The following DCLK2 variants were observed in gnomAD, a reference collection of about 807,000 sequenced individuals.
DCLK2 encodes the protein doublecortin like kinase 2.
A neutral mutation model predicts 78.4 loss-of-function variants in DCLK2; 31 were observed. That is an observed-to-expected ratio of 0.40 (90% CI 0.30 to 0.53). The LOEUF is 0.53. DCLK2 is among the 20% of genes least tolerant of loss of function. The probability of loss-of-function intolerance (pLI) is 0.61; values close to 1 mark genes in which losing one functional copy is unlikely to be tolerated. For missense variants in DCLK2, 872 were observed against 973.7 expected (o/e 0.90, Z 1.39); for synonymous variants, 407 against 374.9 (o/e 1.09, Z -0.99).
chr4:150,195,302 ATAT>A lies in DCLK2; in HGVS notation c.859+2066_859+2068del, dbSNP rs569476787. Among the ~76,000 whole-genome samples the A allele has an allele frequency of 1.1e-3, 6 of 5,606 alleles. 3 individuals carry two copies. Among genetic ancestry groups the A allele is most frequent in the Non-Finnish European group, 3.4e-3 (6 of 1,740 alleles). 3.7% of individuals were successfully genotyped at this position (5,606 alleles called of 152,430 possible). ...TATTATATATTATATTATATATTAT[ATAT>A]TATATTATATATTATATTATATATT... On this transcript the variant is annotated intron_variant, in intron 3 of 15. Transcript: ENST00000296550.
chr4:150,200,650 C>T lies in DCLK2; in HGVS notation c.961+2547C>T, dbSNP rs141455869. 3.9e-3 allele frequency among the ~76,000 whole-genome samples: 598 copies of T among 152,294 alleles called. 2 individuals are homozygous for T. Among genetic ancestry groups the T allele is most frequent in the Non-Finnish European group, 6.9e-3 (469 of 68,032 alleles). Reference sequence around the variant, plus strand: ...AAAAATTCCATGGGACTAATTGGAACTCAAACTGAGCTGGTAACTTTATGA... The same window carrying T: ...AAAAATTCCATGGGACTAATTGGAATTCAAACTGAGCTGGTAACTTTATGA... On this transcript the variant is annotated intron_variant, in intron 4 of 15. Coordinates refer to ENST00000296550, the MANE Select transcript of DCLK2 (RefSeq NM_001040260.4).
At chr4:150,136,729 A>G (rs1470665061) in intron 2 of DCLK2, among the ~76,000 whole-genome samples, 2 of 152,190 alleles carry the variant, frequency 1.3e-5, no homozygotes, top group African/African-American at 2.4e-5. Context: ...GGCAGACACT[A>G]AGCTTCAAAC....
At chr4:150,244,762 C>T (rs1474853275) in intron 12 of DCLK2, among the ~76,000 whole-genome samples, 1 of 152,182 alleles carries the variant, frequency 6.6e-6, no homozygotes, top group Non-Finnish European at 1.5e-5. Flanking sequence ...CCCCAACTGT[C>T]AAAGCTCTTG....
chr4:150,200,642 A>G (rs963413628), intron 4 of DCLK2, among the ~76,000 whole-genome samples: 1 of 152,180 alleles, frequency 6.6e-6, no homozygotes, highest in Non-Finnish European at 1.5e-5. Flanking sequence ...CCATGGGACT[A>G]ATTGGAACTC....
chr4:150,198,109 T>C lies in DCLK2; in HGVS notation c.961+6T>C. 6.2e-7 allele frequency: 1 copy of C among 1,610,736 alleles called. No homozygotes were observed. Among genetic ancestry groups the C allele is most frequent in the East Asian group, 2.2e-5 (1 of 44,828 alleles). ...CAGCAAATCACCAGCTTCAGGTAGTTAATGGAAAAGGAATAGATGGTCATA... is the reference window on the plus strand; with the variant it reads ...CAGCAAATCACCAGCTTCAGGTAGTCAATGGAAAAGGAATAGATGGTCATA... On this transcript the variant is annotated splice_donor_region_variant and intron_variant, in intron 4 of 15. Transcript: ENST00000296550.
intron 2 of DCLK2, among the ~76,000 whole-genome samples, chr4:150,166,727 A>T (rs531247167): frequency 4.5e-4 from 67 of 149,782 alleles, no homozygotes; most frequent in Non-Finnish European, 9.4e-4. Flanking sequence ...AAGGCACTCC[A>T]AGCAGTGATT....
intron 2 of DCLK2, among the ~76,000 whole-genome samples, chr4:150,183,598 CATAAAT>C (rs1367836112): frequency 6.6e-6 from 1 of 152,104 alleles, no homozygotes; most frequent in Non-Finnish European, 1.5e-5. Flanking sequence ...AAACTAACAT[CATAAAT>C]TTGGGAACCA....
intron 10 of DCLK2, among the ~76,000 whole-genome samples, chr4:150,239,033 T>C (rs1373915983): frequency 1.3e-5 from 2 of 152,180 alleles, no homozygotes; most frequent in Non-Finnish European, 2.9e-5. Flanking sequence ...ACACCATTTC[T>C]TGGGCTCTCA....
chr4:150,079,250 C>T lies in DCLK2; in HGVS notation c.223C>T (p.Arg75Cys). The change falls in exon 1 of 16, where the codon CGC becomes TGC. Residue 75 changes from arginine to cysteine, a missense_variant. Physicochemically the swap from Arg to Cys is radical, Grantham distance 180 (BLOSUM62 -3). Coordinates refer to ENST00000296550, the MANE Select transcript of DCLK2 (RefSeq NM_001040260.4). Reference sequence around the variant, plus strand: ...CTCGGAGAAGAAGGCCAAGAAGGCGCGCTTCTACCGGAACGGGGACCGCTA... The same window carrying T: ...CTCGGAGAAGAAGGCCAAGAAGGCGTGCTTCTACCGGAACGGGGACCGCTA... Reference protein sequence around the residue: ...LSSEKKAKKARFYRNGDRYFK... With the variant: ...LSSEKKAKKACFYRNGDRYFK... 1 of 1,607,738 alleles carries T rather than the reference C, an allele frequency of 6.2e-7. No individual in the cohort carries two copies. The highest frequency in any genetic ancestry group is 8.5e-7 in the Non-Finnish European group (1 of 1,177,330).
intron 2 of DCLK2, among the ~76,000 whole-genome samples, chr4:150,157,549 C>A (rs1349705343): frequency 6.8e-6 from 1 of 147,938 alleles, no homozygotes; most frequent in Non-Finnish European, 1.5e-5. Flanking sequence ...GTCTCTCTCT[C>A]TTGTTCAGGC....
intron 4 of DCLK2, among the ~76,000 whole-genome samples, chr4:150,203,286 A>C (rs1739583540): frequency 6.6e-6 from 1 of 152,216 alleles, no homozygotes; most frequent in Non-Finnish European, 1.5e-5. Context: ...ACTACCAGCA[A>C]ATTTTCCCTT....
intron 8 of DCLK2, among the ~76,000 whole-genome samples, chr4:150,230,761 G>A (rs1741988320): frequency 6.6e-6 from 1 of 152,166 alleles, no homozygotes; most frequent in South Asian, 2.1e-4. Flanking sequence ...GGGAGGAAAC[G>A]GGGCTCTGTC....
At chr4:150,192,520 T>TA (rs1738538335) in intron 2 of DCLK2, among the ~76,000 whole-genome samples, 1 of 150,582 alleles carries the variant, frequency 6.6e-6, no homozygotes, top group East Asian at 1.9e-4. Context: ...ACCACATATT[T>TA]AGATATAGGG....
rs145960675 is a variant in DCLK2 at position 150,081,136 on chromosome 4, A to G, written c.421+1688A>G. Among the ~76,000 whole-genome samples, 485 of 152,312 alleles carry G rather than the reference A, an allele frequency of 3.2e-3. 3 individuals carry two copies. The highest frequency in any genetic ancestry group is 0.011 in the African/African-American group (454 of 41,570). The stretch of plus-strand genomic sequence containing the variant: ...TTAAGCACTTGTTACTCAACATGCC[A>G]TTGGGATACTACTGTTCCTGGTATG... On this transcript the variant is annotated intron_variant, in intron 1 of 15. Coordinates refer to ENST00000296550, the MANE Select transcript of DCLK2 (RefSeq NM_001040260.4).
chr4:150,194,644 A>T (rs1181840784), intron 3 of DCLK2, among the ~76,000 whole-genome samples: 1 of 152,180 alleles, frequency 6.6e-6, no homozygotes, highest in African/African-American at 2.4e-5. Context: ...CTTCCTCTTT[A>T]AATGAAGTAA....
intron 2 of DCLK2, among the ~76,000 whole-genome samples, chr4:150,175,199 A>ATTTATATATATT (rs1560835641): frequency 1.8e-5 from 2 of 112,088 alleles, no homozygotes; most frequent in African/African-American, 6.9e-5. Context: ...ATTTATCTAT[A>ATTTATATATATT]TATATTTATA....
At chr4:150,220,191 A>T (rs541255745) in intron 5 of DCLK2, among the ~76,000 whole-genome samples, 1 of 152,332 alleles carries the variant, frequency 6.6e-6, no homozygotes, top group East Asian at 1.9e-4. Flanking sequence ...ACATTCTGCC[A>T]TAGAGTGCTG....
intron 3 of DCLK2, 22 bp downstream of exon 3, chr4:150,193,262 T>C (rs757351558): frequency 2.7e-6 from 4 of 1,499,186 alleles, no homozygotes. Context: ...CTTCAGCTAA[T>C]TCATTTTTCC....
chr4:150,096,558 A>C (rs1730477373), intron 1 of DCLK2, among the ~76,000 whole-genome samples: 1 of 152,144 alleles, frequency 6.6e-6, no homozygotes, highest in Non-Finnish European at 1.5e-5. Context: ...GATCCTGAAA[A>C]GCAGACTGAG....
Sources: allele counts gnomAD v4.1 joint callset (sites outside exome capture counted in the v4.1 genomes callset), GRCh38; gene constraint gnomAD v4.1.1; transcripts MANE v1.5; gene names NCBI Gene and HGNC (gene_info 2026-07-23, HGNC 2026-07-21).